Variants in ANKRD33B observed in about 807,000 individuals in gnomAD.
The protein encoded by ANKRD33B is ankyrin repeat domain 33B, also known as ankyrin repeat domain-containing protein 33B.
ANKRD33B carries 6 observed loss-of-function variants against 21.5 expected under a neutral mutation model. That is an observed-to-expected ratio of 0.28 (90% CI 0.15 to 0.55). ANKRD33B has a LOEUF of 0.55. ANKRD33B is among the 20% of genes least tolerant of loss of function. The pLI is 0.94. For missense variants in ANKRD33B, 698 were observed against 747.2 expected (o/e 0.93, Z 0.77); for synonymous variants, 347 against 342.4 (o/e 1.01, Z -0.15).
chr5:10,573,410 G>A lies in ANKRD33B; in HGVS notation c.366+8577G>A, dbSNP rs143378753. Among the ~76,000 whole-genome samples the A allele has an allele frequency of 9.3e-3, 1,401 of 150,222 alleles. 10 individuals carry two copies. The highest frequency in any genetic ancestry group is 0.014 in the Non-Finnish European group (925 of 67,772). Reference sequence around the variant, plus strand: ...TTAAACCTCGGAGGCGGGGGTTGCAGTGAGCTGAGATCACGCCACTGCACT... The same window carrying A: ...TTAAACCTCGGAGGCGGGGGTTGCAATGAGCTGAGATCACGCCACTGCACT... On this transcript the variant is annotated intron_variant, in intron 1 of 3. Transcript: ENST00000296657.
intron 1 of ANKRD33B, among the ~76,000 whole-genome samples, chr5:10,585,552 C>T (rs570288628): frequency 2.2e-4 from 34 of 152,342 alleles, no homozygotes; most frequent in Non-Finnish European, 3.4e-4. Context: ...CACTGAGAAA[C>T]ACCTGGAATT....
chr5:10,622,917 C>G (rs1248132148), intron 2 of ANKRD33B, among the ~76,000 whole-genome samples: 1 of 151,392 alleles, frequency 6.6e-6, no homozygotes, highest in Non-Finnish European at 1.5e-5. Context: ...TTGGAGGGCT[C>G]TCTGGCAAAG....
At chr5:10,610,847 C>A (rs906821878) in intron 1 of ANKRD33B, among the ~76,000 whole-genome samples, 9 of 152,096 alleles carry the variant, frequency 5.9e-5, no homozygotes, top group Non-Finnish European at 1.2e-4. Flanking sequence ...GAGTTTGAGA[C>A]CAGCTTGGCC....
intron 2 of ANKRD33B, among the ~76,000 whole-genome samples, chr5:10,628,782 T>C (rs2126591627): frequency 6.6e-6 from 1 of 152,266 alleles, no homozygotes; most frequent in South Asian, 2.1e-4. Flanking sequence ...ACGAGGGCTG[T>C]GGCGGCTGTG....
intron 1 of ANKRD33B, among the ~76,000 whole-genome samples, chr5:10,610,401 GCC>G (rs200203509): frequency 6.8e-5 from 10 of 146,490 alleles, no homozygotes; most frequent in African/African-American, 2.1e-4. Flanking sequence ...ACAGGGGACA[GCC>G]CCCCCCCCGA....
intron 1 of ANKRD33B, among the ~76,000 whole-genome samples, chr5:10,570,512 G>C (rs1334180425): frequency 6.6e-6 from 1 of 152,032 alleles, no homozygotes; most frequent in Non-Finnish European, 1.5e-5. Context: ...CTTCAGCTTG[G>C]CTGAAGCATC....
At chr5:10,643,275 A>C (rs1560987009) in intron 3 of ANKRD33B, among the ~76,000 whole-genome samples, 1 of 151,996 alleles carries the variant, frequency 6.6e-6, no homozygotes, top group African/African-American at 2.4e-5. Context: ...TGTCTTTCAA[A>C]TTGTAGGATT....
intron 1 of ANKRD33B, among the ~76,000 whole-genome samples, chr5:10,593,235 C>A (rs924999209): frequency 6.6e-6 from 1 of 152,088 alleles, no homozygotes; most frequent in African/African-American, 2.4e-5. Context: ...ATAGGACTCT[C>A]TTTTTTTCTG....
intron 1 of ANKRD33B, among the ~76,000 whole-genome samples, chr5:10,603,348 C>T (rs1163749713): frequency 2.6e-5 from 4 of 151,818 alleles, no homozygotes; most frequent in East Asian, 3.9e-4. Flanking sequence ...CTGCAACCTA[C>T]GCCTCCCAGG....
intron 2 of ANKRD33B, among the ~76,000 whole-genome samples, chr5:10,634,386 AG>A (rs1331883821): frequency 1.3e-5 from 2 of 151,652 alleles, no homozygotes; most frequent in African/African-American, 4.9e-5. Context: ...ACCCTTTAAA[AG>A]GGCTTCTCTG....
At chr5:10,632,954 A>AT in intron 2 of ANKRD33B, among the ~76,000 whole-genome samples, 1 of 150,996 alleles carries the variant, frequency 6.6e-6, no homozygotes, top group East Asian at 1.9e-4. Flanking sequence ...CTCCCAGCTA[A>AT]TTTTTCTATT....
chr5:10,591,177 T>C (rs1735677431), intron 1 of ANKRD33B, among the ~76,000 whole-genome samples: 2 of 146,914 alleles, frequency 1.4e-5, no homozygotes, highest in African/African-American at 5.0e-5. Context: ...GAAATAGTCA[T>C]CTACATTTTT....
chr5:10,636,622 TAAAC>T (rs1449687489), intron 2 of ANKRD33B, among the ~76,000 whole-genome samples: 2 of 151,902 alleles, frequency 1.3e-5, no homozygotes, highest in African/African-American at 2.4e-5. Context: ...ATCTCTTAAA[TAAAC>T]AAAAAGGATG....
At chr5:10,585,258 C>T (rs73034878) in intron 1 of ANKRD33B, among the ~76,000 whole-genome samples, 48,854 of 152,050 alleles carry the variant, frequency 0.32, 8,345 homozygotes, top group Admixed American at 0.47. Context: ...GTGGTGAGCT[C>T]GTCTCTTACA....
At chr5:10,566,897 G>T (rs1235227745) in intron 1 of ANKRD33B, among the ~76,000 whole-genome samples, 2 of 152,252 alleles carry the variant, frequency 1.3e-5, no homozygotes, top group Admixed American at 6.5e-5. Flanking sequence ...CCCCAGGCTT[G>T]TGTTTACCAT....
chr5:10,568,108 C>T (rs541926593), intron 1 of ANKRD33B, among the ~76,000 whole-genome samples: 10 of 152,196 alleles, frequency 6.6e-5, no homozygotes, highest in Non-Finnish European at 1.3e-4. Flanking sequence ...TCTCCTGCCT[C>T]CTGAGATTGG....
rs1020284951 is a variant in ANKRD33B at position 10,650,903 on chromosome 5, C to T, written c.*790C>T. 4 of 152,202 alleles carry T rather than the reference C, an allele frequency of 2.6e-5. No homozygotes were observed. Among genetic ancestry groups the T allele is most frequent in the African/African-American group, 4.8e-5 (2 of 41,388 alleles). The allele number at this position is 152,202 out of a possible 1,614,324, so 9.4% of individuals were successfully genotyped here. On this transcript the variant is annotated 3_prime_UTR_variant, in exon 4 of 4. Coordinates refer to ENST00000296657, the MANE Select transcript of ANKRD33B (RefSeq NM_001164440.2). ...CAAGGGGTTTTAGGTAAACTGGATA[C>T]GAAATCTTTAACATTAAAAATAGAT...
chr5:10,593,248 C>T (rs949949714), intron 1 of ANKRD33B, among the ~76,000 whole-genome samples: 1 of 152,062 alleles, frequency 6.6e-6, no homozygotes, highest in East Asian at 1.9e-4. Context: ...TTTTTCTGTG[C>T]AGTAACATAT....
rs192515028 is a variant in ANKRD33B, at chr5:10,647,467, A to G, written c.638-1799A>G. ...ATTGGACCAAGATTAATTGAACAGC[A>G]ATTCCGTATTAATTTCTATACTACA... On this transcript the variant is annotated intron_variant, in intron 3 of 3. Coordinates refer to ENST00000296657, the MANE Select transcript of ANKRD33B (RefSeq NM_001164440.2). Among the ~76,000 whole-genome samples the G allele has an allele frequency of 5.8e-3, 877 of 152,296 alleles. 8 individuals are homozygous for G. The highest frequency in any genetic ancestry group is 7.4e-3 in the Non-Finnish European group (504 of 68,024).
Sources: allele counts gnomAD v4.1 joint callset (sites outside exome capture counted in the v4.1 genomes callset), GRCh38; gene constraint gnomAD v4.1.1; transcripts MANE v1.5; gene names NCBI Gene and HGNC (gene_info 2026-07-23, HGNC 2026-07-21).